The following STON2 variants were observed in gnomAD, a reference collection of about 807,000 sequenced individuals.
The protein encoded by STON2 is stonin-2.
Under a neutral mutation model 65.7 loss-of-function variants are expected in STON2, and 29 were observed. The ratio of observed to expected loss-of-function variants is 0.44; its 90% confidence interval spans 0.33 to 0.60. STON2 has a LOEUF of 0.60. Among genes scored for constraint, STON2 ranks in the 20% least tolerant of loss-of-function variants. STON2 has a pLI of 0.03. For synonymous variants in STON2, 404 were observed against 414.2 expected (o/e 0.98, Z 0.30); for missense variants, 1,054 against 1,118.1 (o/e 0.94, Z 0.82).
intron 5 of STON2, among the ~76,000 whole-genome samples, chr14:81,300,596 C>T (rs1895934224): frequency 6.6e-6 from 1 of 152,096 alleles, no homozygotes; most frequent in African/African-American, 2.4e-5. Flanking sequence ...AAAAGGTGCT[C>T]AGCATCATCA....
chr14:81,410,451 A>C (rs1439499829), intron 2 of STON2, among the ~76,000 whole-genome samples: 1 of 152,212 alleles, frequency 6.6e-6, no homozygotes, highest in African/African-American at 2.4e-5. Flanking sequence ...TGACCTTAAG[A>C]CAGGGAGATG....
At chr14:81,359,214 A>G (rs1208127954) in intron 4 of STON2, among the ~76,000 whole-genome samples, 3 of 152,254 alleles carry the variant, frequency 2.0e-5, no homozygotes, top group African/African-American at 7.2e-5. Flanking sequence ...GTGTAAACAA[A>G]TGGAAATCAA....
chr14:81,364,766 T>C (rs1898645057), intron 4 of STON2, among the ~76,000 whole-genome samples: 1 of 152,100 alleles, frequency 6.6e-6, no homozygotes. Context: ...AGCATCTGGA[T>C]CTTTTTGGCC....
intron 2 of STON2, among the ~76,000 whole-genome samples, chr14:81,409,256 T>C (rs1901030317): frequency 6.6e-6 from 1 of 151,814 alleles, no homozygotes. Flanking sequence ...AATACGAAAA[T>C]TAGCCAGGCG....
rs143178657 is a variant in STON2 at position 81,331,792 on chromosome 14, C to G, written c.572-7605G>C. On this transcript the variant is annotated intron_variant, in intron 4 of 7. Coordinates refer to ENST00000614646, the MANE Select transcript of STON2 (RefSeq NM_001394390.1). The stretch of plus-strand genomic sequence containing the variant: ...AGCCATAGAAACCAAACAAAAGGCT[C>G]TGAGGAGCCCACACATCCTAGCCTA... Among the ~76,000 whole-genome samples, 1,326 of 152,286 alleles carry G rather than the reference C, an allele frequency of 8.7e-3. 30 individuals carry two copies. Among genetic ancestry groups the G allele is most frequent in the African/African-American group, 0.03 (1,253 of 41,560 alleles).
intron 4 of STON2, among the ~76,000 whole-genome samples, chr14:81,360,190 T>C (rs1296072035): frequency 6.6e-6 from 1 of 152,180 alleles, no homozygotes; most frequent in Non-Finnish European, 1.5e-5. Context: ...GAGGCCAGCA[T>C]AGCTCTTCTT....
chr14:81,401,712 T>C (rs760835416), upstream of STON2, among the ~76,000 whole-genome samples: 16 of 152,214 alleles, frequency 1.1e-4, no homozygotes, highest in Admixed American at 2.6e-4. Flanking sequence ...AAAAGTTTCA[T>C]TGAAGTCTTG....
chr14:81,391,761 C>T (rs941436322), intron 3 of STON2, among the ~76,000 whole-genome samples: 4 of 152,164 alleles, frequency 2.6e-5, no homozygotes, highest in African/African-American at 9.6e-5. Context: ...GGCTGGCCCT[C>T]CACATGGTTT....
intron 5 of STON2, among the ~76,000 whole-genome samples, chr14:81,281,872 C>T (rs1473736349): frequency 6.6e-6 from 1 of 152,140 alleles, no homozygotes; most frequent in Non-Finnish European, 1.5e-5. Flanking sequence ...TATTTTCTTT[C>T]TGACAGTCAT....
intron 2 of STON2, among the ~76,000 whole-genome samples, chr14:81,412,781 C>T (rs888490371): frequency 1.4e-5 from 2 of 139,872 alleles, no homozygotes; most frequent in South Asian, 2.4e-4. Flanking sequence ...AATGACCACG[C>T]GCAAAGCAGT....
At chr14:81,386,473 C>T (rs925317257) in intron 3 of STON2, among the ~76,000 whole-genome samples, 1 of 152,182 alleles carries the variant, frequency 6.6e-6, no homozygotes, top group Non-Finnish European at 1.5e-5. Flanking sequence ...CTCTGATCCT[C>T]CCCCAAACAA....
chr14:81,278,566 A>T lies in STON2; in HGVS notation c.916T>A (p.Ser306Thr), dbSNP rs1236552757. ...GGTGGTGTATTTGGCTTCAGAGGAG[A>T]GGTGACTGGTGGTAAAGGGCAGCTG... ...EVSCPLPPVTSPLKPNTPPSA... is the reference protein window; with the variant it reads ...EVSCPLPPVTTPLKPNTPPSA... The change falls in exon 6 of 8, where the codon TCT (serine) becomes ACT (threonine). Residue 306 changes from serine (S) to threonine (T), a missense_variant. Transcript: ENST00000614646. 1 of 1,609,630 alleles carries T rather than the reference A, an allele frequency of 6.2e-7. No individual in the cohort carries two copies. The highest frequency in any genetic ancestry group is 2.2e-5 in the East Asian group (1 of 44,802).
intron 1 of STON2, among the ~76,000 whole-genome samples, chr14:81,431,318 T>A (rs548323865): frequency 6.6e-6 from 1 of 152,214 alleles, no homozygotes; most frequent in South Asian, 2.1e-4. Flanking sequence ...GAGCTCATTA[T>A]ATTTCTTATT....
In STON2 at chr14:81,277,115, G is replaced by A. The variant is rs1894862034; in HGVS notation, c.2367C>T (p.Tyr789=). 2.5e-6 allele frequency: 4 copies of A among 1,614,072 alleles called. No homozygotes were observed. In the Admixed American group the frequency reaches 5.0e-5, roughly 20 times the overall value. ...TTTTCACCCACTCACTGGGCACAGG[G>A]TAACGGATCATCACATTCTCACAGG... The part of the protein sequence containing the change: ...QVPCENVMIR[Y]PVPSEWVKNF... Residue 789 remains tyrosine, a synonymous_variant, in exon 6 of 8, where the codon TAC becomes TAT. Transcript: ENST00000614646.
intron 4 of STON2, among the ~76,000 whole-genome samples, chr14:81,356,565 A>T (rs987702476): frequency 5.3e-5 from 8 of 152,204 alleles, no homozygotes; most frequent in African/African-American, 1.9e-4. Context: ...ATTGATTGGA[A>T]TAGTTTCAGA....
intron 5 of STON2, among the ~76,000 whole-genome samples, chr14:81,287,119 T>C (rs1217048473): frequency 6.6e-6 from 1 of 152,198 alleles, no homozygotes; most frequent in Non-Finnish European, 1.5e-5. Context: ...TGTGTAAATG[T>C]ATAGGGTGAG....
chr14:81,327,592 G>C (rs1415205492), intron 4 of STON2, among the ~76,000 whole-genome samples: 1 of 151,892 alleles, frequency 6.6e-6, no homozygotes, highest in African/African-American at 2.4e-5. Context: ...TCAATGCCTT[G>C]GTATTATTTC....
chr14:81,308,316 G>A (rs1896262754), intron 5 of STON2, among the ~76,000 whole-genome samples: 1 of 152,054 alleles, frequency 6.6e-6, no homozygotes. Flanking sequence ...CAATTCTCAT[G>A]CCTCAGCCTC....
chr14:81,390,783 T>C (rs1900044066), intron 3 of STON2, among the ~76,000 whole-genome samples: 1 of 152,202 alleles, frequency 6.6e-6, no homozygotes, highest in Non-Finnish European at 1.5e-5. Flanking sequence ...ATTTATTCTC[T>C]CACAGTTCTG....
Sources: allele counts gnomAD v4.1 joint callset (sites outside exome capture counted in the v4.1 genomes callset), GRCh38; gene constraint gnomAD v4.1.1; transcripts MANE v1.5; gene names NCBI Gene and HGNC (gene_info 2026-07-23, HGNC 2026-07-21).